MAP3K15: variants seen among roughly 807,000 people sequenced by gnomAD.
MAP3K15 encodes MAPK/ERK kinase kinase 15.
MAP3K15 carries 124 observed loss-of-function variants against 99.5 expected under a neutral mutation model. That is an observed-to-expected ratio of 1.25 (90% CI 1.08 to 1.45). MAP3K15 has a LOEUF of 1.45. MAP3K15 is among the 40% of genes most tolerant of loss of function. MAP3K15 has a pLI of 0.00. For synonymous variants in MAP3K15, 494 were observed against 439.6 expected, an observed-to-expected ratio of 1.12 and a Z score of -1.55; for missense variants, 1,242 against 1,079.7, an observed-to-expected ratio of 1.15 and a Z score of -2.11.
At chrX:19,422,338 AAAAC>A (rs1364606657) in intron 9 of MAP3K15, among the ~76,000 whole-genome samples, 1 of 112,139 alleles carries the variant, frequency 8.9e-6, no homozygotes, top group East Asian at 2.8e-4. Context: ...TTACAAGAAA[AAAAC>A]AAACAATCCC....
chrX:19,360,590 G>A lies in MAP3K15; in HGVS notation c.*159C>T, dbSNP rs778832973. The A allele has an allele frequency of 2.3e-6, 1 of 427,939 alleles. No individual in the cohort carries two copies. Among genetic ancestry groups the A allele is most frequent in the Non-Finnish European group, 4.0e-6 (1 of 249,050 alleles). 35.3% of individuals were successfully genotyped at this position (427,939 alleles called of 1,213,427 possible). On this transcript the variant is annotated 3_prime_UTR_variant, in exon 29 of 29. Transcript: ENST00000338883. ...TGTTTATAAATAACAGGTTTCAAAA[G>A]AAACTCAGGACAGTATTTAAAACAA...
intron 3 of MAP3K15, among the ~76,000 whole-genome samples, chrX:19,472,230 AATAATAATAATAAT>A (rs1188821656): frequency 1.0e-2 from 23 of 2,309 alleles, no homozygotes; most frequent in Admixed American, 0.016. Flanking sequence ...TCTCAAAAAT[AATAATAATAATAAT>A]AATAATAATA....
chrX:19,372,189 G>A (rs1238128440), intron 22 of MAP3K15, among the ~76,000 whole-genome samples: 2 of 109,614 alleles, frequency 1.8e-5, no homozygotes, highest in Non-Finnish European at 3.8e-5. Context: ...TAATGGAGGG[G>A]AATCGGTTTG....
In MAP3K15 at chrX:19,430,447, A is replaced by G. The variant is rs73637648; in HGVS notation, c.1166+991T>C. ...TTTAGAAGCCAGCCCAGGTGAAGCC[A>G]GCAGAAGAAGTGCCTGGCAAAGCCA... On this transcript the variant is annotated intron_variant, in intron 7 of 28. Transcript: ENST00000338883. 5.6e-3 allele frequency among the ~76,000 whole-genome samples: 631 copies of G among 112,111 alleles called. 3 individuals carry two copies. Among genetic ancestry groups the G allele is most frequent in the African/African-American group, 0.019 (581 of 30,873 alleles).
chrX:19,436,632 C>T (rs1311620980), intron 6 of MAP3K15, among the ~76,000 whole-genome samples: 1 of 111,552 alleles, frequency 9.0e-6, no homozygotes, highest in Admixed American at 9.6e-5. Context: ...CTCTCAGCAA[C>T]TCATTTGCAT....
Position 19,373,705 on chromosome X carries a change from G to T in MAP3K15, c.2774-10C>A, listed in dbSNP as rs763794719. 5.0e-6 allele frequency: 6 copies of T among 1,195,147 alleles called. No individual in the cohort carries two copies. In the South Asian group the frequency reaches 5.4e-5, roughly 11 times the overall value. Reference sequence around the variant, plus strand: ...ACACCGCGGGGACCTTCTGTAGGGGGACAGCCAGACACCGAATGGGGAGAC... The same window carrying T: ...ACACCGCGGGGACCTTCTGTAGGGGTACAGCCAGACACCGAATGGGGAGAC... On this transcript the variant is annotated splice_polypyrimidine_tract_variant and intron_variant, in intron 20 of 28. Coordinates refer to ENST00000338883, the MANE Select transcript of MAP3K15 (RefSeq NM_001001671.4).
chrX:19,461,457 G>C lies in MAP3K15; in HGVS notation c.720-1304C>G, dbSNP rs116011273. Among the ~76,000 whole-genome samples, 4 of 112,536 alleles carry C rather than the reference G, an allele frequency of 3.6e-5. No homozygotes were observed. The East Asian group carries it at 1.1e-3, about 31-fold the overall frequency. On this transcript the variant is annotated intron_variant, in intron 4 of 28. Coordinates refer to ENST00000338883, the MANE Select transcript of MAP3K15 (RefSeq NM_001001671.4). ...CTCAGGTGAGCAGCTAGATAAGCAC[G>C]AGGAAGCTTAAAAACACTTAAAGCA... is the stretch of plus-strand genomic sequence containing the variant.
intron 18 of MAP3K15, among the ~76,000 whole-genome samples, chrX:19,385,455 T>C (rs2063488125): frequency 9.0e-6 from 1 of 111,446 alleles, no homozygotes; most frequent in African/African-American, 3.3e-5. Flanking sequence ...AGAAGCAAGT[T>C]GCTAAGTCCA....
intron 16 of MAP3K15, among the ~76,000 whole-genome samples, chrX:19,393,190 C>T (rs1404479840): frequency 3.6e-5 from 4 of 111,706 alleles, no homozygotes; most frequent in Non-Finnish European, 5.6e-5. Flanking sequence ...CCTCAGACAT[C>T]GGCTGGTCTC....
At chrX:19,425,893 C>T (rs756585147) in intron 8 of MAP3K15, among the ~76,000 whole-genome samples, 3 of 110,853 alleles carry the variant, frequency 2.7e-5, no homozygotes, top group African/African-American at 6.6e-5. Context: ...CTGAGGTAGG[C>T]GGATCACTTG....
intron 21 of MAP3K15, among the ~76,000 whole-genome samples, 167 bp downstream of exon 21, chrX:19,373,369 G>A (rs1480175850): frequency 9.0e-6 from 1 of 110,623 alleles, no homozygotes; most frequent in South Asian, 3.9e-4. Context: ...GCAAGTGAAC[G>A]AAGCACCCTC....
chrX:19,449,689 C>G lies in MAP3K15; in HGVS notation c.995+7224G>C, dbSNP rs1312106009. Among the ~76,000 whole-genome samples the G allele has an allele frequency of 3.7e-5, 4 of 109,174 alleles. 1 individual carries two copies. The highest frequency in any genetic ancestry group is 5.8e-5 in the Non-Finnish European group (3 of 51,626). 94.8% of individuals were successfully genotyped at this position (109,174 alleles called of 115,157 possible). A position where few individuals can be genotyped will look rare whatever the true frequency, so the allele number is the denominator to read the frequency against. ...TCTAAATCAATAAACTTTGAATTTACCAAACGATCGCTTTTTTCTGCAAAT... is the reference window on the plus strand; with the variant it reads ...TCTAAATCAATAAACTTTGAATTTAGCAAACGATCGCTTTTTTCTGCAAAT... On this transcript the variant is annotated intron_variant, in intron 6 of 28. Coordinates refer to ENST00000338883, the MANE Select transcript of MAP3K15 (RefSeq NM_001001671.4).
intron 10 of MAP3K15, among the ~76,000 whole-genome samples, chrX:19,414,512 T>C (rs769721834): frequency 8.9e-6 from 1 of 112,396 alleles, no homozygotes; most frequent in East Asian, 2.8e-4. Flanking sequence ...TTCACATATT[T>C]CACTCATGAC....
intron 10 of MAP3K15, among the ~76,000 whole-genome samples, chrX:19,414,722 T>C (rs922118298): frequency 8.9e-6 from 1 of 112,162 alleles, no homozygotes; most frequent in Non-Finnish European, 1.9e-5. Context: ...ACTAGTGACA[T>C]TTTGGGCTGG....
intron 9 of MAP3K15, 81 bp from the exon 10 acceptor site, chrX:19,415,338 A>G (rs1477935433): frequency 1.1e-6 from 1 of 914,681 alleles, no homozygotes; most frequent in Non-Finnish European, 1.4e-6. Context: ...GAAGCTTTCC[A>G]AAAGCTTTTA....
chrX:19,366,699 T>G (rs2063337263), intron 25 of MAP3K15, among the ~76,000 whole-genome samples: 1 of 112,002 alleles, frequency 8.9e-6, no homozygotes, highest in Non-Finnish European at 1.9e-5. Flanking sequence ...GAACTGTAAG[T>G]CCATTAAACC....
intron 6 of MAP3K15, among the ~76,000 whole-genome samples, chrX:19,440,845 G>A: frequency 8.9e-6 from 1 of 112,184 alleles, no homozygotes; most frequent in Admixed American, 9.4e-5. Context: ...TTTTTTTCCT[G>A]GGCACTCAGC....
intron 1 of MAP3K15, among the ~76,000 whole-genome samples, chrX:19,506,124 G>A (rs1005512957): frequency 5.4e-5 from 6 of 111,765 alleles, no homozygotes; most frequent in Admixed American, 3.8e-4. Context: ...AGTAGAGACA[G>A]GGTTTCACCA....
chrX:19,465,858 T>C (rs1383957318), intron 3 of MAP3K15, among the ~76,000 whole-genome samples: 3 of 109,411 alleles, frequency 2.7e-5, no homozygotes, highest in Non-Finnish European at 5.7e-5. Context: ...TGTGTGTGTG[T>C]GTGTGTGATA....
Sources: gnomAD v4.1 joint callset for allele counts (sites outside exome capture counted in the v4.1 genomes callset) on GRCh38, gnomAD v4.1.1 for gene constraint, MANE v1.5 for transcripts, NCBI Gene and HGNC (gene_info 2026-07-23, HGNC 2026-07-21) for gene names.